INPP4B: variants seen among roughly 807,000 people sequenced by gnomAD.
INPP4B encodes inositol polyphosphate 4-phosphatase type II.
INPP4B carries 55 observed loss-of-function variants against 122.5 expected under a neutral mutation model. The ratio of observed to expected loss-of-function variants is 0.45; its 90% CI spans 0.36 to 0.56. The LOEUF is 0.56. Among genes scored for constraint, INPP4B ranks in the 20% least tolerant of loss-of-function variants. INPP4B has a pLI of 0.00. For missense variants in INPP4B, 1,000 were observed against 1,097.7 expected (o/e 0.91, Z 1.26); for synonymous variants, 403 against 388.7 (o/e 1.04, Z -0.43).
intron 7 of INPP4B, among the ~76,000 whole-genome samples, chr4:142,371,751 G>C (rs1173345134): frequency 3.3e-5 from 5 of 151,878 alleles, no homozygotes; most frequent in Admixed American, 3.3e-4. Context: ...ACCCCAGTGA[G>C]AATGGATATG....
intron 25 of INPP4B, chr4:142,029,480 A>T (rs1204127186): frequency 1.0e-6 from 1 of 985,702 alleles, no homozygotes; most frequent in African/African-American, 1.7e-5. Flanking sequence ...TACAAAAGTC[A>T]CAAGTGCTGG....
chr4:142,550,606 A>AC (rs3078622), intron 2 of INPP4B, among the ~76,000 whole-genome samples: 2 of 4,892 alleles, frequency 4.1e-4, no homozygotes, highest in African/African-American at 4.4e-4. Context: ...ACACACACAC[A>AC]TATATATATA....
At chr4:142,650,066 A>T (rs1038410961) in intron 2 of INPP4B, among the ~76,000 whole-genome samples, 15 of 152,234 alleles carry the variant, frequency 9.9e-5, no homozygotes, top group Non-Finnish European at 1.8e-4. Context: ...AATATTCAAC[A>T]TCCTTAAAGA....
chr4:142,660,572 G>GGA (rs1424497029), intron 2 of INPP4B, among the ~76,000 whole-genome samples: 1 of 152,018 alleles, frequency 6.6e-6, no homozygotes, highest in East Asian at 1.9e-4. Context: ...GCTGAAACTG[G>GGA]TTGCCTTAGG....
chr4:142,845,901 TGTGA>T (rs1278414831), intron 1 of INPP4B, among the ~76,000 whole-genome samples: 3 of 151,660 alleles, frequency 2.0e-5, no homozygotes, highest in East Asian at 2.0e-4. Context: ...AGTGTGCGTG[TGTGA>T]GTGAGAATGC....
intron 9 of INPP4B, among the ~76,000 whole-genome samples, chr4:142,289,147 T>C (rs952481924): frequency 2.0e-5 from 3 of 151,818 alleles, no homozygotes; most frequent in Non-Finnish European, 4.4e-5. Context: ...AGACAGAGAC[T>C]TTCTAAAATA....
At chr4:142,295,787 C>T (rs1758446108) in intron 9 of INPP4B, among the ~76,000 whole-genome samples, 1 of 150,718 alleles carries the variant, frequency 6.6e-6, no homozygotes, top group South Asian at 2.1e-4. Context: ...CTTATTTGGC[C>T]ACAGAATTCC....
chr4:142,459,012 C>T (rs984643966), intron 3 of INPP4B, among the ~76,000 whole-genome samples: 1 of 152,166 alleles, frequency 6.6e-6, no homozygotes, highest in Admixed American at 6.5e-5. Flanking sequence ...TTCAAAAAGC[C>T]AGCCTGACTC....
intron 1 of INPP4B, among the ~76,000 whole-genome samples, chr4:142,820,529 T>C (rs1780675037): frequency 6.6e-6 from 1 of 152,154 alleles, no homozygotes; most frequent in African/African-American, 2.4e-5. Context: ...TAAACCTCTT[T>C]TATTTATAAA....
At chr4:142,555,298 T>G (rs1728903065) in intron 2 of INPP4B, among the ~76,000 whole-genome samples, 1 of 152,138 alleles carries the variant, frequency 6.6e-6, no homozygotes, top group African/African-American at 2.4e-5. Context: ...TGAAAAAGCT[T>G]TGGCAAAGAT....
intron 25 of INPP4B, among the ~76,000 whole-genome samples, chr4:142,046,605 GA>G (rs1679723982): frequency 6.6e-6 from 1 of 152,110 alleles, no homozygotes; most frequent in South Asian, 2.1e-4. Flanking sequence ...AGAGTGAAAA[GA>G]AAGAGGAGGG....
intron 2 of INPP4B, among the ~76,000 whole-genome samples, chr4:142,674,157 C>T (rs1017032906): frequency 6.6e-6 from 1 of 152,100 alleles, no homozygotes; most frequent in South Asian, 2.1e-4. Context: ...CGTCTGAGGC[C>T]TCTATTGCAA....
At chr4:142,634,529 C>T (rs1479440619) in intron 2 of INPP4B, among the ~76,000 whole-genome samples, 2 of 152,050 alleles carry the variant, frequency 1.3e-5, no homozygotes, top group Non-Finnish European at 2.9e-5. Flanking sequence ...GTGAGCTTAA[C>T]ATGTAAAAAT....
chr4:142,745,583 AC>A (rs1380240553), intron 1 of INPP4B, among the ~76,000 whole-genome samples: 1 of 151,926 alleles, frequency 6.6e-6, no homozygotes, highest in East Asian at 1.9e-4. Context: ...ACATTTGGTA[AC>A]CCTTGGAATA....
chr4:142,714,981 T>C (rs763606257), intron 2 of INPP4B, among the ~76,000 whole-genome samples: 2 of 152,160 alleles, frequency 1.3e-5, no homozygotes, highest in Non-Finnish European at 2.9e-5. Context: ...ACATGTGCAG[T>C]GGCTAGGAAA....
chr4:142,383,452 C>A (rs1794897825), intron 7 of INPP4B, among the ~76,000 whole-genome samples: 1 of 152,106 alleles, frequency 6.6e-6, no homozygotes, highest in African/African-American at 2.4e-5. Context: ...ACCTAACTGC[C>A]TAAATTTCTA....
intron 3 of INPP4B, among the ~76,000 whole-genome samples, chr4:142,442,181 G>A (rs543955643): frequency 1.3e-5 from 2 of 152,160 alleles, no homozygotes; most frequent in Non-Finnish European, 2.9e-5. Flanking sequence ...GGGAGGCTGA[G>A]GTGGGTGGAT....
intron 2 of INPP4B, among the ~76,000 whole-genome samples, chr4:142,463,406 C>T (rs1817114381): frequency 6.6e-6 from 1 of 152,180 alleles, no homozygotes; most frequent in Non-Finnish European, 1.5e-5. Flanking sequence ...ATGGGTTATA[C>T]ATCATTTTGC....
chr4:142,117,829 A>G (rs1794462030), intron 21 of INPP4B, among the ~76,000 whole-genome samples: 1 of 152,166 alleles, frequency 6.6e-6, no homozygotes, highest in Non-Finnish European at 1.5e-5. Flanking sequence ...AGGGTATTCA[A>G]TTAGGAAAAG....
Sources: gnomAD v4.1 joint callset for allele counts (sites outside exome capture counted in the v4.1 genomes callset) on GRCh38, gnomAD v4.1.1 for gene constraint, MANE v1.5 for transcripts, NCBI Gene and HGNC (gene_info 2026-07-23, HGNC 2026-07-21) for gene names.